The following SP4 variants were observed in gnomAD, a reference collection of about 807,000 sequenced individuals.
SP4 encodes Sp4 transcription factor, also known as transcription factor Sp4.
A neutral mutation model predicts 72.8 loss-of-function variants in SP4; 19 were observed. The observed-to-expected ratio is 0.26, with a 90% CI of 0.18 to 0.38. SP4 has a LOEUF of 0.38. Ranked by LOEUF, SP4 falls within the 10% of genes least tolerant of loss-of-function variation. The pLI is 1.00. For synonymous variants in SP4, 395 were observed against 333.1 expected, an observed-to-expected ratio of 1.19 and a Z score of -2.02; for missense variants, 1,008 against 926.3, an observed-to-expected ratio of 1.09 and a Z score of -1.14.
At chr7:21,482,550 C>A in intron 5 of SP4, 1 of 504,278 alleles carries the variant, frequency 2.0e-6, no homozygotes, top group Non-Finnish European at 2.6e-6. Flanking sequence ...AAACATCTAA[C>A]AACCCTCAGT....
intron 2 of SP4, 46 bp from the exon 3 acceptor site, chr7:21,429,242 CA>C: frequency 9.0e-7 from 1 of 1,116,890 alleles, no homozygotes; most frequent in South Asian, 1.5e-5. Flanking sequence ...TAAATCCGCC[CA>C]CTTTTTTTCC....
chr7:21,428,110 A>G lies in SP4; in HGVS notation c.-142A>G. On this transcript the variant is annotated 5_prime_UTR_variant, in exon 1 of 6. Transcript: ENST00000222584. ...AGCCCAGCGGCGGCCATTCGCGGAAAAAGAGGCAGAGCCTGTGCCAGCTAC... is the reference window on the plus strand; with the variant it reads ...AGCCCAGCGGCGGCCATTCGCGGAAGAAGAGGCAGAGCCTGTGCCAGCTAC... 1 of 691,110 alleles carries G rather than the reference A, an allele frequency of 1.4e-6. No homozygotes were observed. Among genetic ancestry groups the G allele is most frequent in the East Asian group, 2.7e-5 (1 of 36,534 alleles). 42.8% of individuals were successfully genotyped at this position (691,110 alleles called of 1,614,324 possible).
intron 5 of SP4, among the ~76,000 whole-genome samples, chr7:21,508,501 G>C (rs1257335806): frequency 6.6e-6 from 1 of 152,024 alleles, no homozygotes; most frequent in Non-Finnish European, 1.5e-5. Context: ...TACTTTTTTT[G>C]TATTTTTAGT....
chr7:21,456,879 A>G (rs1254957336), intron 3 of SP4, among the ~76,000 whole-genome samples: 2 of 152,194 alleles, frequency 1.3e-5, no homozygotes, highest in Admixed American at 6.5e-5. Context: ...CCCACAAGCT[A>G]TCTGTCAGGG....
At chr7:21,446,207 A>T (rs879346249) in intron 3 of SP4, among the ~76,000 whole-genome samples, 3 of 152,158 alleles carry the variant, frequency 2.0e-5, no homozygotes, top group Admixed American at 2.0e-4. Flanking sequence ...ATACCAGCTC[A>T]TATGGGGATA....
At chr7:21,453,715 C>T (rs565997702) in intron 3 of SP4, among the ~76,000 whole-genome samples, 1 of 152,062 alleles carries the variant, frequency 6.6e-6, no homozygotes, top group African/African-American at 2.4e-5. Flanking sequence ...CTTTTATAAC[C>T]CTTTACAATT....
chr7:21,511,330 G>C lies in SP4; in HGVS notation c.*61G>C. On this transcript the variant is annotated 3_prime_UTR_variant, in exon 6 of 6. Transcript: ENST00000222584. Reference sequence around the variant, plus strand: ...TTGTTTACACACCTTTGAAAATCTGGAAATGGGCTGGTCAAGTGGATTACA... The same window carrying C: ...TTGTTTACACACCTTTGAAAATCTGCAAATGGGCTGGTCAAGTGGATTACA... The C allele has an allele frequency of 7.3e-6, 11 of 1,512,294 alleles. No individual in the cohort carries two copies. Among genetic ancestry groups the C allele is most frequent in the Non-Finnish European group, 9.9e-6 (11 of 1,108,928 alleles). 93.7% of individuals were successfully genotyped at this position (1,512,294 alleles called of 1,614,324 possible).
intron 3 of SP4, among the ~76,000 whole-genome samples, chr7:21,475,288 G>A (rs955770986): frequency 2.0e-5 from 3 of 151,608 alleles, no homozygotes; most frequent in Non-Finnish European, 4.4e-5. Flanking sequence ...CTAATTTTTT[G>A]TATTTTTAAT....
intron 5 of SP4, among the ~76,000 whole-genome samples, chr7:21,503,977 A>AG (rs748576396): frequency 6.6e-5 from 10 of 152,140 alleles, no homozygotes; most frequent in African/African-American, 9.7e-5. Flanking sequence ...TATTTCAGGA[A>AG]GTACCCATTT....
intron 4 of SP4, 63 bp from the exon 5 acceptor site, chr7:21,481,848 ATTCTTTTTAATTT>A (rs1784698676): frequency 1.9e-6 from 2 of 1,041,644 alleles, no homozygotes. Context: ...AATTACCTTG[ATTCTTTTTAATTT>A]TTCTATAATT....
At chr7:21,433,462 A>G (rs1311697740) in intron 3 of SP4, among the ~76,000 whole-genome samples, 1 of 152,238 alleles carries the variant, frequency 6.6e-6, no homozygotes, top group African/African-American at 2.4e-5. Context: ...ATCTAGGCCT[A>G]GTTTGCAGAT....
At chr7:21,446,187 A>G (rs773860211) in intron 3 of SP4, among the ~76,000 whole-genome samples, 7 of 152,278 alleles carry the variant, frequency 4.6e-5, no homozygotes, top group African/African-American at 1.2e-4. Flanking sequence ...CACCTTCACT[A>G]TAATTAAGGA....
At chr7:21,451,455 T>TC (rs1783598059) in intron 3 of SP4, among the ~76,000 whole-genome samples, 1 of 152,034 alleles carries the variant, frequency 6.6e-6, no homozygotes, top group Non-Finnish European at 1.5e-5. Flanking sequence ...CCCTTAAGAG[T>TC]CCAAGACCCC....
At chr7:21,434,698 A>T (rs989964853) in intron 3 of SP4, among the ~76,000 whole-genome samples, 1 of 152,062 alleles carries the variant, frequency 6.6e-6, no homozygotes, top group South Asian at 2.1e-4. Context: ...ATTTTAGTGT[A>T]CCCATCACCG....
chr7:21,484,513 G>T lies in SP4; in HGVS notation c.2107+2390G>T, dbSNP rs1362543357. Among the ~76,000 whole-genome samples the T allele has an allele frequency of 2.0e-5, 3 of 151,940 alleles. No homozygotes were observed. In the East Asian group the frequency reaches 5.8e-4, roughly 29 times the overall value. ...AATCCCTGAAAAAGTTAGCATTATA[G>T]TAAAGCTCTGAATTTTAATTTTAAA... On this transcript the variant is annotated intron_variant, in intron 5 of 5. Transcript: ENST00000222584.
At position 21,511,138 on chromosome 7, in the gene SP4, G is replaced by C. The variant is rs773738688; in HGVS notation, c.2224G>C (p.Val742Leu). Residue 742 changes from valine to leucine, a missense_variant, in exon 6 of 6, where the codon GTT (valine) becomes CTT (leucine). Coordinates refer to ENST00000222584, the MANE Select transcript of SP4 (RefSeq NM_003112.5). ...KKGGGTALAI[V>L]TSGELDSSVT... ...AGGTGGTGGGACAGCTCTTGCCATT[G>C]TTACCTCGGGAGAACTGGACTCATC... 6.2e-7 allele frequency: 1 copy of C among 1,614,190 alleles called. No individual in the cohort carries two copies. The highest frequency in any genetic ancestry group is 2.2e-5 in the East Asian group (1 of 44,886).
chr7:21,437,223 G>C lies in SP4; in HGVS notation c.1678+6380G>C, dbSNP rs567782047. Reference sequence around the variant, plus strand: ...AAGTCCTTGAATGAATTATTGAGTAGTTGGCTCTTGAGCATTTTAAAAAAG... The same window carrying C: ...AAGTCCTTGAATGAATTATTGAGTACTTGGCTCTTGAGCATTTTAAAAAAG... On this transcript the variant is annotated intron_variant, in intron 3 of 5. Coordinates refer to ENST00000222584, the MANE Select transcript of SP4 (RefSeq NM_003112.5). 3.6e-4 allele frequency among the ~76,000 whole-genome samples: 55 copies of C among 152,330 alleles called. 1 individual carries two copies. Among genetic ancestry groups the C allele is most frequent in the Middle Eastern group, 3.4e-3 (1 of 294 alleles).
chr7:21,458,863 C>G (rs1220306813), intron 3 of SP4, among the ~76,000 whole-genome samples: 1 of 151,956 alleles, frequency 6.6e-6, no homozygotes, highest in African/African-American at 2.4e-5. Context: ...TCTAGTATTT[C>G]CTGATTGCTC....
intron 3 of SP4, 99 bp from the exon 4 acceptor site, chr7:21,476,980 T>C: frequency 1.2e-6 from 1 of 818,418 alleles, no homozygotes; most frequent in Non-Finnish European, 1.9e-6. Flanking sequence ...TTTACACAGA[T>C]TGTTAGAAAA....
Sources: gnomAD v4.1 joint callset for allele counts (sites outside exome capture counted in the v4.1 genomes callset) on GRCh38, gnomAD v4.1.1 for gene constraint, MANE v1.5 for transcripts, NCBI Gene and HGNC (gene_info 2026-07-23, HGNC 2026-07-21) for gene names.